Variants in CUL5 observed in about 807,000 individuals in gnomAD.
The protein encoded by CUL5 is cullin-5.
In CUL5, 26 loss-of-function variants were observed where a neutral mutation model predicts 108.8. The observed-to-expected ratio is 0.24, with a 90% CI of 0.18 to 0.33. The LOEUF (loss-of-function observed/expected upper bound fraction) is 0.33. Among genes scored for constraint, CUL5 ranks in the 10% least tolerant of loss-of-function variants. The pLI, the probability that CUL5 is intolerant of heterozygous loss-of-function variation, is 1.00. For missense variants in CUL5, 524 were observed against 909.2 expected (o/e 0.58, Z 5.45); for synonymous variants, 334 against 298.0 (o/e 1.12, Z -1.25).
At chr11:108,067,174 G>A (rs748026436) in intron 7 of CUL5, among the ~76,000 whole-genome samples, 1 of 152,176 alleles carries the variant, frequency 6.6e-6, no homozygotes, top group Non-Finnish European at 1.5e-5. Context: ...GTTGCCATGT[G>A]GGTTAAATGA....
intron 7 of CUL5, among the ~76,000 whole-genome samples, chr11:108,061,919 G>A (rs1183321376): frequency 4.0e-5 from 6 of 151,832 alleles, no homozygotes; most frequent in Non-Finnish European, 8.8e-5. Context: ...GAGAGAGAAT[G>A]TGCAGGAGAA....
chr11:108,078,622 T>A (rs955226089), intron 11 of CUL5, among the ~76,000 whole-genome samples: 2 of 152,150 alleles, frequency 1.3e-5, no homozygotes, highest in African/African-American at 4.8e-5. Context: ...GTTCTATAAT[T>A]GGTAAGATGA....
intron 2 of CUL5, among the ~76,000 whole-genome samples, chr11:108,038,349 A>G (rs1356611167): frequency 6.6e-6 from 1 of 152,112 alleles, no homozygotes; most frequent in Non-Finnish European, 1.5e-5. Flanking sequence ...GAAATCGTCA[A>G]TAACCTTTTA....
In CUL5 at chr11:108,054,880, T is replaced by C. The variant is rs764129188; in HGVS notation, c.705T>C (p.Asp235=). The C allele has an allele frequency of 6.2e-7, 1 of 1,608,416 alleles. No homozygotes were observed. The stretch of plus-strand genomic sequence containing the variant: ...GCTATTTTGCTTCTGGACAGGCAGA[T>C]GCTAAATTAAAAGAAGAAGAAAAAC... The part of the protein sequence containing the change: ...NGVQNYMKYA[D]AKLKEEEKRA... The change falls in exon 7 of 19, where the codon GAT becomes GAC. Residue 235 remains aspartate (D), a synonymous_variant. Transcript: ENST00000393094.
At chr11:108,078,630 T>TG (rs1863996763) in intron 11 of CUL5, among the ~76,000 whole-genome samples, 2 of 152,154 alleles carry the variant, frequency 1.3e-5, no homozygotes, top group African/African-American at 4.8e-5. Flanking sequence ...ATTGGTAAGA[T>TG]GAATATGCCT....
intron 1 of CUL5, among the ~76,000 whole-genome samples, chr11:108,021,247 G>A (rs1379449626): frequency 2.0e-5 from 3 of 152,142 alleles, no homozygotes; most frequent in African/African-American, 7.2e-5. Context: ...CAATCAGTAT[G>A]GCGGGAACTT....
intron 13 of CUL5, among the ~76,000 whole-genome samples, chr11:108,094,137 A>T (rs1055072660): frequency 6.6e-6 from 1 of 152,246 alleles, no homozygotes; most frequent in African/African-American, 2.4e-5. Flanking sequence ...GTTCTTGGGG[A>T]ATTGGTATTA....
At chr11:108,077,038 G>C (rs1863956899) in intron 10 of CUL5, among the ~76,000 whole-genome samples, 1 of 152,148 alleles carries the variant, frequency 6.6e-6, no homozygotes, top group African/African-American at 2.4e-5. Context: ...AATATGTTTG[G>C]CAGCTTCAGC....
At chr11:108,082,472 T>C (rs1315952959) in intron 11 of CUL5, among the ~76,000 whole-genome samples, 2 of 152,136 alleles carry the variant, frequency 1.3e-5, no homozygotes, top group Non-Finnish European at 2.9e-5. Context: ...AGACAGTCTC[T>C]CACTGTGTTG....
Position 108,095,703 on chromosome 11 carries a change from T to C in CUL5, c.1905+12T>C, listed in dbSNP as rs1040006838. On this transcript the variant is annotated intron_variant, in intron 16 of 18. Transcript: ENST00000393094. ...GGAGGACTTTATGGGTTGGTTTATGTTTTTTTGTTTTTAAGACTGTATCCT... is the reference window on the plus strand; with the variant it reads ...GGAGGACTTTATGGGTTGGTTTATGCTTTTTTGTTTTTAAGACTGTATCCT... The C allele has an allele frequency of 5.6e-6, 9 of 1,603,264 alleles. No homozygotes were observed. Among genetic ancestry groups the C allele is most frequent in the African/African-American group, 1.3e-5 (1 of 74,352 alleles).
intron 2 of CUL5, among the ~76,000 whole-genome samples, chr11:108,035,798 G>T (rs1456949524): frequency 6.6e-6 from 1 of 151,900 alleles, no homozygotes; most frequent in Non-Finnish European, 1.5e-5. Flanking sequence ...TTGAGTATAT[G>T]CCTGCTTTTG....
In CUL5 at chr11:108,033,993, C is replaced by CT. The variant is rs1052561346; in HGVS notation, c.134+83dup. ...CCATACCCAAATGGAATGTGTAACTCTAAGTTTATCTGTTTACCTATTAAA... is the reference window on the plus strand; with the variant it reads ...CCATACCCAAATGGAATGTGTAACTCTTAAGTTTATCTGTTTACCTATTAAA... On this transcript the variant is annotated intron_variant, in intron 2 of 18. Coordinates refer to ENST00000393094, the MANE Select transcript of CUL5 (RefSeq NM_003478.6). 16 of 806,278 alleles carry CT rather than the reference C, an allele frequency of 2.0e-5. No individual in the cohort carries two copies. The African/African-American group carries it at 2.4e-4, about 12-fold the overall frequency. 49.9% of individuals were successfully genotyped at this position (806,278 alleles called of 1,614,324 possible).
intron 2 of CUL5, among the ~76,000 whole-genome samples, chr11:108,039,822 C>T (rs898239719): frequency 6.6e-6 from 1 of 152,152 alleles, no homozygotes; most frequent in Non-Finnish European, 1.5e-5. Flanking sequence ...ATAACTTTAT[C>T]ATGGATCTGA....
At chr11:108,072,683 A>C (rs971153489) in intron 9 of CUL5, among the ~76,000 whole-genome samples, 6 of 152,172 alleles carry the variant, frequency 3.9e-5, no homozygotes, top group Non-Finnish European at 5.9e-5. Context: ...GTATATTTCA[A>C]GATAGAAGAG....
chr11:108,075,879 C>T (rs537169013), intron 10 of CUL5, among the ~76,000 whole-genome samples: 1 of 152,222 alleles, frequency 6.6e-6, no homozygotes, highest in African/African-American at 2.4e-5. Flanking sequence ...GTTGTCTCAG[C>T]CCTGTCATCT....
intron 11 of CUL5, among the ~76,000 whole-genome samples, chr11:108,078,611 T>G (rs1265261205): frequency 1.3e-5 from 2 of 152,226 alleles, no homozygotes; most frequent in Non-Finnish European, 2.9e-5. Context: ...TTTAAAAAAT[T>G]GTTCTATAAT....
chr11:108,060,593 T>C (rs1043848225), intron 7 of CUL5, among the ~76,000 whole-genome samples: 2 of 152,186 alleles, frequency 1.3e-5, no homozygotes, highest in Non-Finnish European at 2.9e-5. Flanking sequence ...CCCAGCACTT[T>C]AGGAGGCCGA....
chr11:108,034,007 T>C, intron 2 of CUL5, 96 bp downstream of exon 2: 1 of 753,750 alleles, frequency 1.3e-6, no homozygotes, highest in Middle Eastern at 2.4e-4. Context: ...GTTTATCTGT[T>C]TACCTATTAA....
At position 108,061,285 on chromosome 11, in the gene CUL5, C is replaced by T. The variant is rs531325094; in HGVS notation, c.780+6330C>T. ...GTAATTTGGTAAATGGGAAGAAATA[C>T]AAAAGAGGAATAACATGATCTCTGT... On this transcript the variant is annotated intron_variant, in intron 7 of 18. Transcript: ENST00000393094. Among the ~76,000 whole-genome samples, 5 of 152,158 alleles carry T rather than the reference C, an allele frequency of 3.3e-5. No individual in the cohort carries two copies. In the East Asian group the frequency reaches 9.6e-4, roughly 29 times the overall value.
Sources: allele counts gnomAD v4.1 joint callset (sites outside exome capture counted in the v4.1 genomes callset), GRCh38; gene constraint gnomAD v4.1.1; transcripts MANE v1.5; gene names NCBI Gene and HGNC (gene_info 2026-07-23, HGNC 2026-07-21).